Variants in ELP4 observed in about 807,000 individuals in gnomAD.
The protein encoded by ELP4 is elongator complex protein 4.
A neutral mutation model predicts 48.9 loss-of-function variants in ELP4; 51 were observed. That is an observed-to-expected ratio of 1.04 (90% CI 0.83 to 1.32). The LOEUF is 1.32. ELP4 is among the 40% of genes most tolerant of loss of function. ELP4 has a pLI of 0.00. For synonymous variants in ELP4, 210 were observed against 189.2 expected (o/e 1.11, Z -0.90); for missense variants, 519 against 514.6 (o/e 1.01, Z -0.08).
At chr11:31,671,673 A>G (rs946768777) in intron 9 of ELP4, among the ~76,000 whole-genome samples, 2 of 152,218 alleles carry the variant, frequency 1.3e-5, no homozygotes, top group Non-Finnish European at 2.9e-5. Context: ...ACATATGAGT[A>G]TTTAGATGGC....
Position 31,531,386 on chromosome 11 carries a change from T to C in ELP4, c.260-8276T>C, listed in dbSNP as rs186939283. Among the ~76,000 whole-genome samples, 358 of 152,326 alleles carry C rather than the reference T, an allele frequency of 2.4e-3. 3 individuals are homozygous for C. In the South Asian group the frequency reaches 0.025, roughly 10 times the overall value. ...ATGCATTCTCTGCCATAATAATCTT[T>C]TAGCTTCATGGAGGAATTTCAGGAA... On this transcript the variant is annotated intron_variant, in intron 2 of 9. Transcript: ENST00000640961.
intron 3 of ELP4, among the ~76,000 whole-genome samples, chr11:31,545,574 T>A (rs1244220943): frequency 6.6e-6 from 1 of 152,126 alleles, no homozygotes; most frequent in Non-Finnish European, 1.5e-5. Context: ...GATATTATCC[T>A]GGAGAACTTC....
rs1306088069 is a variant in ELP4, at chr11:31,614,514, T to C, written c.653+10607T>C. ...TGATATAAATAAATAAATGAATAAA[T>C]TGAAAGTTTTTTGAGGTATAAGATA... On this transcript the variant is annotated intron_variant, in intron 5 of 9. Transcript: ENST00000640961. Among the ~76,000 whole-genome samples the C allele has an allele frequency of 2.0e-5, 3 of 152,136 alleles. No homozygotes were observed. In the East Asian group the frequency reaches 5.8e-4, roughly 29 times the overall value.
chr11:31,765,341 G>A (rs1475800588), intron 9 of ELP4, among the ~76,000 whole-genome samples: 1 of 152,176 alleles, frequency 6.6e-6, no homozygotes, highest in Non-Finnish European at 1.5e-5. Context: ...GTGAATGTTA[G>A]TGATATTTAC....
chr11:31,698,093 T>C (rs1032345375), intron 9 of ELP4, among the ~76,000 whole-genome samples: 1 of 152,168 alleles, frequency 6.6e-6, no homozygotes, highest in African/African-American at 2.4e-5. Flanking sequence ...CCAATTCAGA[T>C]TTGCATACTG....
intron 9 of ELP4, among the ~76,000 whole-genome samples, chr11:31,683,293 T>C (rs1206051121): frequency 6.6e-6 from 1 of 152,176 alleles, no homozygotes; most frequent in Non-Finnish European, 1.5e-5. Flanking sequence ...TAAGCTTGAT[T>C]AAAAATACAA....
intron 9 of ELP4, among the ~76,000 whole-genome samples, chr11:31,657,916 AAAGGC>A (rs1272613604): frequency 2.6e-5 from 4 of 152,050 alleles, no homozygotes; most frequent in African/African-American, 9.7e-5. Context: ...GCAAGTGCTT[AAAGGC>A]ATTATTTCAT....
chr11:31,605,781 G>A (rs1275993965), intron 5 of ELP4, among the ~76,000 whole-genome samples: 3 of 152,066 alleles, frequency 2.0e-5, no homozygotes, highest in African/African-American at 7.2e-5. Flanking sequence ...TTGAATATGG[G>A]ATAACTCATT....
At chr11:31,682,360 G>A (rs1946071323) in intron 9 of ELP4, among the ~76,000 whole-genome samples, 1 of 152,202 alleles carries the variant, frequency 6.6e-6, no homozygotes, top group Non-Finnish European at 1.5e-5. Context: ...TGCAGAAGCA[G>A]TAAGTCTGGT....
intron 9 of ELP4, among the ~76,000 whole-genome samples, chr11:31,743,792 G>A (rs1332265336): frequency 6.6e-6 from 1 of 151,994 alleles, no homozygotes; most frequent in Admixed American, 6.6e-5. Context: ...ACAAAAGAAA[G>A]CAGGAAAGAT....
At chr11:31,710,818 A>G (rs1284891801) in intron 9 of ELP4, among the ~76,000 whole-genome samples, 1 of 152,120 alleles carries the variant, frequency 6.6e-6, no homozygotes, top group African/African-American at 2.4e-5. Flanking sequence ...TCATGTAACT[A>G]TCCAAGCATT....
chr11:31,695,070 G>C (rs544934133), intron 9 of ELP4, among the ~76,000 whole-genome samples: 203 of 152,242 alleles, frequency 1.3e-3, no homozygotes, highest in Middle Eastern at 3.4e-3. Flanking sequence ...AGACAATGGG[G>C]TTTTCTAGAT....
intron 9 of ELP4, among the ~76,000 whole-genome samples, chr11:31,709,274 T>C (rs1348057849): frequency 6.6e-6 from 1 of 152,166 alleles, no homozygotes; most frequent in Admixed American, 6.6e-5. Context: ...TTACAAACTA[T>C]AGATTTGAAA....
intron 9 of ELP4, among the ~76,000 whole-genome samples, chr11:31,690,938 A>G (rs1212777350): frequency 6.6e-6 from 1 of 151,502 alleles, no homozygotes. Flanking sequence ...TACTTCCCCA[A>G]ATTTCCTACA....
intron 2 of ELP4, among the ~76,000 whole-genome samples, chr11:31,529,012 T>A (rs1214003650): frequency 6.6e-6 from 1 of 151,290 alleles, no homozygotes; most frequent in Non-Finnish European, 1.5e-5. Context: ...CTCCCTGAAA[T>A]TACATGAAAA....
At chr11:31,743,826 CAATT>C (rs1387642780) in intron 9 of ELP4, among the ~76,000 whole-genome samples, 2 of 151,984 alleles carry the variant, frequency 1.3e-5, no homozygotes, top group East Asian at 3.9e-4. Context: ...CCTAACATCA[CAATT>C]AAAGAGCTAG....
At chr11:31,615,067 T>C (rs1181691959) in intron 5 of ELP4, among the ~76,000 whole-genome samples, 1 of 152,134 alleles carries the variant, frequency 6.6e-6, no homozygotes, top group Non-Finnish European at 1.5e-5. Flanking sequence ...TCTAGAAGAA[T>C]GTCCTTGTTT....
chr11:31,758,513 C>T (rs1428050389), intron 9 of ELP4, among the ~76,000 whole-genome samples: 1 of 152,130 alleles, frequency 6.6e-6, no homozygotes, highest in Non-Finnish European at 1.5e-5. Context: ...TGGACGTTGT[C>T]AACCTAGAAA....
chr11:31,540,494 T>A (rs1468514397), intron 3 of ELP4, among the ~76,000 whole-genome samples: 1 of 152,186 alleles, frequency 6.6e-6, no homozygotes, highest in East Asian at 1.9e-4. Flanking sequence ...TTTTTTTCTT[T>A]TAATTTTGAA....
Sources: allele counts gnomAD v4.1 joint callset (sites outside exome capture counted in the v4.1 genomes callset), GRCh38; gene constraint gnomAD v4.1.1; transcripts MANE v1.5; gene names NCBI Gene and HGNC (gene_info 2026-07-23, HGNC 2026-07-21).